KHDRBS3: variants seen among roughly 807,000 people sequenced by gnomAD.
KHDRBS3 encodes the protein KH RNA binding domain containing, signal transduction associated 3.
A neutral mutation model predicts 45.6 loss-of-function variants in KHDRBS3; 23 were observed. That is an observed-to-expected ratio of 0.50 (90% CI 0.36 to 0.72). The LOEUF (loss-of-function observed/expected upper bound fraction) is 0.72, where lower values mean the gene tolerates loss of function less well. Among genes scored for constraint, KHDRBS3 ranks in the 30% least tolerant of loss-of-function variants. The probability of loss-of-function intolerance (pLI) is 0.00; values close to 1 mark genes in which losing one functional copy is unlikely to be tolerated. For missense variants in KHDRBS3, 352 were observed against 424.8 expected (o/e 0.83, Z 1.51); for synonymous variants, 162 against 156.5 (o/e 1.04, Z -0.26).
At chr8:135,458,894 A>G (rs1821272869) in intron 1 of KHDRBS3, 1 of 456,172 alleles carries the variant, frequency 2.2e-6, no homozygotes, top group South Asian at 1.5e-5. Flanking sequence ...TTCCTGAATC[A>G]TCTGCTGGCA....
In KHDRBS3 at chr8:135,562,606, G is replaced by A. The variant is rs182819454; in HGVS notation, c.611+5019G>A. ...TAATGCCCAACTAATATAGTCCACA[G>A]AATAAAACTAAGGTAAATATAAATT... is the stretch of plus-strand genomic sequence containing the variant. On this transcript the variant is annotated intron_variant, in intron 5 of 8. Transcript: ENST00000355849. Among the ~76,000 whole-genome samples, 404 of 152,180 alleles carry A rather than the reference G, an allele frequency of 2.7e-3. 1 individual carries two copies. Among genetic ancestry groups the A allele is most frequent in the Non-Finnish European group, 3.6e-3 (245 of 67,990 alleles).
intron 2 of KHDRBS3, among the ~76,000 whole-genome samples, chr8:135,526,420 T>C (rs1287286572): frequency 6.6e-6 from 1 of 152,134 alleles, no homozygotes; most frequent in Non-Finnish European, 1.5e-5. Flanking sequence ...ATGTCTGAAG[T>C]AGACCATTTA....
intron 5 of KHDRBS3, among the ~76,000 whole-genome samples, chr8:135,562,335 C>T (rs185673061): frequency 1.4e-4 from 22 of 152,246 alleles, no homozygotes; most frequent in African/African-American, 5.3e-4. Flanking sequence ...TAGTCACATA[C>T]GGTATTCAGT....
chr8:135,484,767 C>G (rs1251822268), intron 1 of KHDRBS3, among the ~76,000 whole-genome samples: 1 of 152,166 alleles, frequency 6.6e-6, no homozygotes, highest in Non-Finnish European at 1.5e-5. Flanking sequence ...CCCTTTCTTC[C>G]TCAAAGTCCT....
At chr8:135,464,411 G>T (rs1359870195) in intron 1 of KHDRBS3, among the ~76,000 whole-genome samples, 5 of 152,164 alleles carry the variant, frequency 3.3e-5, no homozygotes, top group African/African-American at 4.8e-5. Context: ...TGAAATTCTT[G>T]CTGAAGTTCT....
chr8:135,480,730 C>T (rs1325219970), intron 1 of KHDRBS3, among the ~76,000 whole-genome samples: 1 of 152,110 alleles, frequency 6.6e-6, no homozygotes, highest in Non-Finnish European at 1.5e-5. Flanking sequence ...AGACAATTTT[C>T]TTCATTCTCC....
At chr8:135,635,976 A>G (rs1830793845) in intron 7 of KHDRBS3, among the ~76,000 whole-genome samples, 2 of 152,226 alleles carry the variant, frequency 1.3e-5, no homozygotes, top group South Asian at 4.1e-4. Flanking sequence ...TGGTTTTCCA[A>G]AGCTGCAGTT....
intron 1 of KHDRBS3, chr8:135,458,827 A>C: frequency 1.8e-5 from 8 of 455,202 alleles, no homozygotes; most frequent in South Asian, 1.2e-4. Context: ...GGATACAGAG[A>C]TTTCTGGAGG....
At position 135,493,987 on chromosome 8, in the gene KHDRBS3, A is replaced by G. The variant is rs191607543; in HGVS notation, c.89-27250A>G. On this transcript the variant is annotated intron_variant, in intron 1 of 8. Coordinates refer to ENST00000355849, the MANE Select transcript of KHDRBS3 (RefSeq NM_006558.3). ...TTTTCCTTTTTGAGTGAGCTTTGGTAGTTTAAGGAAATAATCTCATCTGAA... is the reference window on the plus strand; with the variant it reads ...TTTTCCTTTTTGAGTGAGCTTTGGTGGTTTAAGGAAATAATCTCATCTGAA... 1.4e-4 allele frequency among the ~76,000 whole-genome samples: 21 copies of G among 152,246 alleles called. No homozygotes were observed. In the East Asian group the frequency reaches 3.5e-3, roughly 25 times the overall value.
chr8:135,495,516 C>G (rs1176923123), intron 1 of KHDRBS3, among the ~76,000 whole-genome samples: 1 of 152,162 alleles, frequency 6.6e-6, no homozygotes, highest in Non-Finnish European at 1.5e-5. Flanking sequence ...TCAGGCAGAA[C>G]ATGATATCAG....
intron 1 of KHDRBS3, among the ~76,000 whole-genome samples, chr8:135,510,993 T>C (rs1824254184): frequency 6.6e-6 from 1 of 152,272 alleles, no homozygotes; most frequent in Admixed American, 6.5e-5. Context: ...TTGTGTGTTG[T>C]AGTTTCAAAG....
chr8:135,533,364 C>T (rs570576707), intron 2 of KHDRBS3, among the ~76,000 whole-genome samples: 3 of 152,246 alleles, frequency 2.0e-5, no homozygotes, highest in Non-Finnish European at 4.4e-5. Context: ...ATGACAAGAA[C>T]AGTCTTCTCA....
chr8:135,469,201 T>C (rs1227981068), intron 1 of KHDRBS3, among the ~76,000 whole-genome samples: 1 of 152,216 alleles, frequency 6.6e-6, no homozygotes, highest in Non-Finnish European at 1.5e-5. Flanking sequence ...TTTATTGCTC[T>C]AATTCATTCA....
chr8:135,601,746 G>C (rs777490251), intron 6 of KHDRBS3, among the ~76,000 whole-genome samples: 2 of 152,178 alleles, frequency 1.3e-5, no homozygotes, highest in African/African-American at 2.4e-5. Flanking sequence ...TCTAAGCTTA[G>C]ATGTTTGCTT....
intron 1 of KHDRBS3, among the ~76,000 whole-genome samples, chr8:135,504,369 C>T (rs1014433873): frequency 1.3e-5 from 2 of 152,144 alleles, no homozygotes; most frequent in Non-Finnish European, 2.9e-5. Flanking sequence ...CTCTAAGGAA[C>T]TTAATTTTAC....
intron 5 of KHDRBS3, among the ~76,000 whole-genome samples, chr8:135,580,604 TC>T (rs765977388): frequency 4.2e-4 from 26 of 61,852 alleles, no homozygotes; most frequent in East Asian, 2.6e-3. Flanking sequence ...TCTCTCTCTC[TC>T]TTTTTTTTTT....
chr8:135,635,323 A>C lies in KHDRBS3; in HGVS notation c.891-9736A>C, dbSNP rs149787031. Among the ~76,000 whole-genome samples the C allele has an allele frequency of 1.7e-4, 26 of 152,350 alleles. No homozygotes were observed. The East Asian group carries it at 5.0e-3, about 29-fold the overall frequency. Reference sequence around the variant, plus strand: ...AAGGGGAAAGCAGCCCTTTCAAATAATAGACGATATTCTTCTTTGATACGA... The same window carrying C: ...AAGGGGAAAGCAGCCCTTTCAAATACTAGACGATATTCTTCTTTGATACGA... On this transcript the variant is annotated intron_variant, in intron 7 of 8. Coordinates refer to ENST00000355849, the MANE Select transcript of KHDRBS3 (RefSeq NM_006558.3).
intron 1 of KHDRBS3, among the ~76,000 whole-genome samples, chr8:135,513,713 G>A (rs1030280547): frequency 1.3e-5 from 2 of 152,058 alleles, no homozygotes; most frequent in Non-Finnish European, 2.9e-5. Context: ...CAATTTTGGG[G>A]GCCAGAGTAC....
chr8:135,561,577 C>T (rs1270389040), intron 5 of KHDRBS3, among the ~76,000 whole-genome samples: 1 of 151,794 alleles, frequency 6.6e-6, no homozygotes, highest in Non-Finnish European at 1.5e-5. Flanking sequence ...GTAGTTCTCC[C>T]AGATAATTTT....
Sources: gnomAD v4.1 joint callset for allele counts (sites outside exome capture counted in the v4.1 genomes callset) on GRCh38, gnomAD v4.1.1 for gene constraint, MANE v1.5 for transcripts, NCBI Gene and HGNC (gene_info 2026-07-23, HGNC 2026-07-21) for gene names.